TTC27: variants seen among roughly 807,000 people sequenced by gnomAD.
TTC27 encodes tetratricopeptide repeat domain 27.
A neutral mutation model predicts 115.9 loss-of-function variants in TTC27; 79 were observed. The observed-to-expected ratio is 0.68, with a 90% CI of 0.57 to 0.82. TTC27 has a LOEUF of 0.82. Ranked by LOEUF, TTC27 falls within the 40% of genes least tolerant of loss-of-function variation. The probability of loss-of-function intolerance (pLI) is 0.00; values close to 1 mark genes in which losing one functional copy is unlikely to be tolerated. For missense variants in TTC27, 1,054 were observed against 993.1 expected, an observed-to-expected ratio of 1.06 and a Z score of -0.82; for synonymous variants, 401 against 356.0, an observed-to-expected ratio of 1.13 and a Z score of -1.42.
Position 32,731,018 on chromosome 2 carries a change from T to C in TTC27, c.1234-2810T>C, listed in dbSNP as rs75702251. 7.5e-3 allele frequency among the ~76,000 whole-genome samples: 1,142 copies of C among 152,324 alleles called. 15 individuals are homozygous for C. Among genetic ancestry groups the C allele is most frequent in the African/African-American group, 0.025 (1,039 of 41,556 alleles). On this transcript the variant is annotated intron_variant, in intron 10 of 19. Transcript: ENST00000317907. Reference sequence around the variant, plus strand: ...GTCATGCATAAGGCAGGAAGAAATATTTTCTGTGCAGGAGTGAAAATAGGC... The same window carrying C: ...GTCATGCATAAGGCAGGAAGAAATACTTTCTGTGCAGGAGTGAAAATAGGC...
chr2:32,706,711 C>T (rs1029421507), intron 10 of TTC27, among the ~76,000 whole-genome samples: 11 of 151,858 alleles, frequency 7.2e-5, no homozygotes, highest in Non-Finnish European at 1.0e-4. Flanking sequence ...ATTACAGGCA[C>T]GCACCACCAT....
At chr2:32,634,898 C>T (rs1664354115) in intron 3 of TTC27, among the ~76,000 whole-genome samples, 1 of 151,960 alleles carries the variant, frequency 6.6e-6, no homozygotes, top group African/African-American at 2.4e-5. Context: ...CTTAAGTGAT[C>T]CTCCCACCTC....
chr2:32,765,409 C>T (rs541632498), intron 13 of TTC27, among the ~76,000 whole-genome samples: 1 of 145,518 alleles, frequency 6.9e-6, no homozygotes, highest in East Asian at 2.0e-4. Context: ...TTGAAATATT[C>T]AGTAAACCGT....
chr2:32,754,398 C>T (rs1044617745), intron 12 of TTC27, among the ~76,000 whole-genome samples: 19 of 148,894 alleles, frequency 1.3e-4, no homozygotes, highest in African/African-American at 3.2e-4. Flanking sequence ...CATCTTGCAC[C>T]GCCCTTAATC....
At chr2:32,809,549 A>C (rs976959527) in intron 16 of TTC27, among the ~76,000 whole-genome samples, 27 of 152,176 alleles carry the variant, frequency 1.8e-4, no homozygotes, top group African/African-American at 5.8e-4. Context: ...CTGCATTTCT[A>C]ACAAGCTCTG....
chr2:32,676,132 G>A (rs776563696), intron 8 of TTC27, among the ~76,000 whole-genome samples: 2 of 151,998 alleles, frequency 1.3e-5, no homozygotes, highest in Non-Finnish European at 2.9e-5. Context: ...TGGTACAACA[G>A]TGGGGATAGC....
At position 32,640,279 on chromosome 2, in the gene TTC27, C is replaced by A; in HGVS notation, c.406C>A (p.Leu136Met). Residue 136 changes from leucine (L) to methionine (M), a missense_variant, in exon 4 of 20, where the codon CTG (leucine) becomes ATG (methionine). Transcript: ENST00000317907. ...LFQQFSEVKG[L>M]DAFVLSLLTL... The stretch of plus-strand genomic sequence containing the variant: ...ATAATCCTTTTTTCAGGTTAAAGGA[C>A]TGGATGCATTTGTTCTGAGCCTGCT... 4.3e-6 allele frequency: 7 copies of A among 1,613,342 alleles called. No individual in the cohort carries two copies. The highest frequency in any genetic ancestry group is 5.9e-6 in the Non-Finnish European group (7 of 1,179,820).
intron 5 of TTC27, among the ~76,000 whole-genome samples, chr2:32,660,017 T>C (rs748170377): frequency 1.3e-5 from 2 of 152,224 alleles, no homozygotes; most frequent in South Asian, 2.1e-4. Context: ...TTATAATCCT[T>C]TGGGTGTATA....
intron 12 of TTC27, among the ~76,000 whole-genome samples, chr2:32,749,671 T>A (rs1668945413): frequency 1.3e-5 from 2 of 152,246 alleles, no homozygotes; most frequent in South Asian, 4.1e-4. Flanking sequence ...TGGAATAGTG[T>A]TGAAGCTAGA....
chr2:32,636,470 T>A, intron 3 of TTC27, among the ~76,000 whole-genome samples: 1 of 152,176 alleles, frequency 6.6e-6, no homozygotes, highest in East Asian at 1.9e-4. Context: ...CGCCTCGGCC[T>A]CCCAAAGTGT....
At chr2:32,634,936 C>T (rs906107288) in intron 3 of TTC27, among the ~76,000 whole-genome samples, 6 of 152,246 alleles carry the variant, frequency 3.9e-5, no homozygotes, top group South Asian at 2.1e-4. Context: ...GGTTTACAGG[C>T]GTGAGCCACC....
intron 4 of TTC27, 61 bp downstream of exon 4, chr2:32,640,471 G>A (rs2151863158): frequency 1.3e-6 from 2 of 1,497,010 alleles, no homozygotes; most frequent in Non-Finnish European, 1.8e-6. Context: ...TTAACACCAG[G>A]CTGTAGATGT....
chr2:32,804,567 GA>G (rs1225042526), intron 16 of TTC27, among the ~76,000 whole-genome samples: 3 of 151,854 alleles, frequency 2.0e-5, no homozygotes, highest in Non-Finnish European at 4.4e-5. Context: ...TGGAAAACAT[GA>G]AAAAAATTCT....
At chr2:32,768,093 A>C (rs968845453) in intron 13 of TTC27, among the ~76,000 whole-genome samples, 1 of 152,256 alleles carries the variant, frequency 6.6e-6, no homozygotes, top group African/African-American at 2.4e-5. Context: ...TGATTAAAGC[A>C]TATGAATGTC....
chr2:32,697,217 A>G (rs577553379), intron 9 of TTC27, among the ~76,000 whole-genome samples: 224 of 152,100 alleles, frequency 1.5e-3, no homozygotes, highest in African/African-American at 4.6e-3. Context: ...ACAAAAAGAA[A>G]TAGTGGGTAG....
intron 13 of TTC27, among the ~76,000 whole-genome samples, chr2:32,761,838 G>T (rs1241072939): frequency 6.6e-6 from 1 of 152,054 alleles, no homozygotes; most frequent in Non-Finnish European, 1.5e-5. Flanking sequence ...AGAATGTAAG[G>T]CCTATTAAAG....
chr2:32,754,800 G>C (rs532727912), intron 12 of TTC27, among the ~76,000 whole-genome samples: 4 of 141,714 alleles, frequency 2.8e-5, no homozygotes, highest in African/African-American at 7.7e-5. Flanking sequence ...CCTCCCGGAC[G>C]GGGCGGCTGG....
intron 8 of TTC27, among the ~76,000 whole-genome samples, chr2:32,675,936 C>T (rs994503517): frequency 4.0e-5 from 6 of 151,824 alleles, no homozygotes; most frequent in Non-Finnish European, 5.9e-5. Context: ...GGATTACAGG[C>T]GCCCACCACC....
Position 32,710,382 on chromosome 2 carries a change from AT to A in TTC27, c.1233+7464del, listed in dbSNP as rs1335885339. The stretch of plus-strand genomic sequence containing the variant: ...ATTCATTTTTCTTTTATAGCAGCAA[AT>A]TAAACTAAAAAAGTGAATCTTTTAG... On this transcript the variant is annotated intron_variant, in intron 10 of 19. Coordinates refer to ENST00000317907, the MANE Select transcript of TTC27 (RefSeq NM_017735.5). 7.2e-5 allele frequency among the ~76,000 whole-genome samples: 11 copies of A among 151,886 alleles called. No individual in the cohort carries two copies. In the East Asian group the frequency reaches 1.9e-3, roughly 27 times the overall value.
Sources: gnomAD v4.1 joint callset for allele counts (sites outside exome capture counted in the v4.1 genomes callset) on GRCh38, gnomAD v4.1.1 for gene constraint, MANE v1.5 for transcripts, NCBI Gene and HGNC (gene_info 2026-07-23, HGNC 2026-07-21) for gene names.